CASP6: variants seen among roughly 807,000 people sequenced by gnomAD.
CASP6 encodes caspase 6, also known as caspase-6.
A neutral mutation model predicts 31.8 loss-of-function variants in CASP6; 20 were observed. That is an observed-to-expected ratio of 0.63 (90% CI 0.44 to 0.91). The LOEUF is 0.91. CASP6 is among the 40% of genes least tolerant of loss of function. The pLI is 0.00. For missense variants in CASP6, 328 were observed against 361.1 expected (o/e 0.91, Z 0.74); for synonymous variants, 130 against 127.8 (o/e 1.02, Z -0.12).
At chr4:109,687,393 CT>C, downstream of CASP6, 1 of 648,260 alleles carries the variant, frequency 1.5e-6, no homozygotes, top group East Asian at 2.8e-5. Flanking sequence ...CCATTTGCCA[CT>C]AATAGTTTAA....
chr4:109,684,105 C>T (rs767168178), downstream of CASP6, among the ~76,000 whole-genome samples: 1 of 150,652 alleles, frequency 6.6e-6, no homozygotes, highest in Admixed American at 6.6e-5. Flanking sequence ...CACTGTCGCC[C>T]AGGCTGGAGT....
upstream of CASP6, chr4:109,703,516 C>G: frequency 7.6e-7 from 1 of 1,312,142 alleles, no homozygotes; most frequent in Non-Finnish European, 1.0e-6. Context: ...AGCGTGGGGC[C>G]AGTTGGTTCT....
chr4:109,698,456 T>G, intron 1 of CASP6, 114 bp from the exon 2 acceptor site: 1 of 845,440 alleles, frequency 1.2e-6, no homozygotes, highest in East Asian at 2.9e-5. Context: ...CTGTTTTGGT[T>G]AGTTTAAAAG....
chr4:109,668,516 T>C, the CASP6 span, among the ~76,000 whole-genome samples: 1 of 152,148 alleles, frequency 6.6e-6, no homozygotes, highest in African/African-American at 2.4e-5. Context: ...GCTTTTCATC[T>C]ATATATGTCT....
chr4:109,689,263 G>T lies in CASP6; in HGVS notation c.*67C>A. The T allele has an allele frequency of 6.8e-7, 1 of 1,470,126 alleles. No individual in the cohort carries two copies. Among genetic ancestry groups the T allele is most frequent in the Non-Finnish European group, 9.5e-7 (1 of 1,057,572 alleles). 91.1% of individuals were successfully genotyped at this position (1,470,126 alleles called of 1,614,324 possible). A position where few individuals can be genotyped will look rare whatever the true frequency, so the allele number is the denominator to read the frequency against. ...CCCAAAGTGCTGGGATTACAGGTGT[G>T]AGTAACCACGCCTGGCTGAGAAAGC... is the stretch of plus-strand genomic sequence containing the variant. On this transcript the variant is annotated 3_prime_UTR_variant, in exon 7 of 7. Coordinates refer to ENST00000265164, the MANE Select transcript of CASP6 (RefSeq NM_001226.4).
chr4:109,706,515 G>A (rs760574117), upstream of CASP6, among the ~76,000 whole-genome samples: 7 of 152,116 alleles, frequency 4.6e-5, no homozygotes, highest in Admixed American at 1.3e-4. Flanking sequence ...AGGATTCAGG[G>A]TATTAGTTGA....
At chr4:109,688,357 T>C (rs1476732189), downstream of CASP6, 1 of 152,258 alleles carries the variant, frequency 6.6e-6, no homozygotes, top group African/African-American at 2.4e-5. Flanking sequence ...TTGGACTGTT[T>C]GTAGGAACTT....
chr4:109,698,226 C>T, intron 2 of CASP6, 74 bp downstream of exon 2: 1 of 1,495,316 alleles, frequency 6.7e-7, no homozygotes, highest in Middle Eastern at 1.8e-4. Flanking sequence ...AGGACCCATT[C>T]TTGCTTTGAT....
chr4:109,665,035 C>T, the CASP6 span, among the ~76,000 whole-genome samples: 2 of 152,108 alleles, frequency 1.3e-5, no homozygotes, highest in Non-Finnish European at 1.5e-5. Flanking sequence ...TCTCTGCACC[C>T]CACGCCCCTT....
chr4:109,696,701 G>A (rs956012679), intron 3 of CASP6, among the ~76,000 whole-genome samples: 4 of 151,388 alleles, frequency 2.6e-5, no homozygotes, highest in Non-Finnish European at 4.4e-5. Context: ...GAGTGTTGTT[G>A]TCTACTATGC....
At chr4:109,679,166 G>A in the CASP6 span, among the ~76,000 whole-genome samples, 1 of 151,036 alleles carries the variant, frequency 6.6e-6, no homozygotes, top group East Asian at 2.0e-4. Flanking sequence ...TTCCCAGACG[G>A]GGCAGCTGGG....
downstream of CASP6, among the ~76,000 whole-genome samples, chr4:109,687,158 C>T (rs1463439731): frequency 6.6e-6 from 1 of 151,876 alleles, no homozygotes; most frequent in Non-Finnish European, 1.5e-5. Context: ...AGTTCAAGAC[C>T]AGCCAGAGCA....
At chr4:109,673,760 C>T in the CASP6 span, 2 of 567,156 alleles carry the variant, frequency 3.5e-6, no homozygotes, top group Non-Finnish European at 6.3e-6. Context: ...GAGAAATAAG[C>T]TTCTGAAGAA....
At chr4:109,680,292 C>T in the CASP6 span, among the ~76,000 whole-genome samples, 1 of 152,084 alleles carries the variant, frequency 6.6e-6, no homozygotes. Flanking sequence ...GTTAACAAAC[C>T]CAGATGGCCC....
At chr4:109,688,534 A>G (rs1205386901), downstream of CASP6, 2 of 152,262 alleles carry the variant, frequency 1.3e-5, no homozygotes, top group Non-Finnish European at 2.9e-5. Context: ...ATTCATATGT[A>G]GATGAAATAT....
chr4:109,668,232 T>C, the CASP6 span, among the ~76,000 whole-genome samples: 1 of 152,142 alleles, frequency 6.6e-6, no homozygotes, highest in African/African-American at 2.4e-5. Context: ...TAGAGGAATG[T>C]TGAAGTCTGT....
At chr4:109,666,771 G>C in the CASP6 span, among the ~76,000 whole-genome samples, 1 of 152,230 alleles carries the variant, frequency 6.6e-6, no homozygotes, top group South Asian at 2.1e-4. Context: ...ATTGCCCTCT[G>C]TTCCTGGTTT....
chr4:109,700,294 A>C (rs545836446), intron 1 of CASP6, among the ~76,000 whole-genome samples: 1 of 152,364 alleles, frequency 6.6e-6, no homozygotes, highest in South Asian at 2.1e-4. Flanking sequence ...ATATGCCCTC[A>C]CATTAGTCAA....
In CASP6 at chr4:109,689,483, TAAG is replaced by T; in HGVS notation, c.726_728del (p.Leu243del). 6.2e-7 allele frequency: 1 copy of T among 1,614,210 alleles called. No individual in the cohort carries two copies. Among genetic ancestry groups the T allele is most frequent in the Non-Finnish European group, 8.5e-7 (1 of 1,180,036 alleles). On this transcript the variant is annotated inframe_deletion, in exon 7 of 7. Transcript: ENST00000265164. The stretch of plus-strand genomic sequence containing the variant: ...CCAGTGTGAGGAGTTCTGTGAACTC[TAAG>T]GAGGAGCCATATTTTCCCAACATCT...
Sources: allele counts gnomAD v4.1 joint callset (sites outside exome capture counted in the v4.1 genomes callset), GRCh38; gene constraint gnomAD v4.1.1; transcripts MANE v1.5; gene names NCBI Gene and HGNC (gene_info 2026-07-23, HGNC 2026-07-21).